The following TRIM24 variants were observed in gnomAD, a reference collection of about 807,000 sequenced individuals.
TRIM24 encodes tripartite motif containing 24, also known as transcription intermediary factor 1-alpha.
In TRIM24, 29 loss-of-function variants were observed where a neutral mutation model predicts 123.9. That is an observed-to-expected ratio of 0.23 (90% CI 0.17 to 0.32). TRIM24 has a LOEUF of 0.32. Among genes scored for constraint, TRIM24 ranks in the 10% least tolerant of loss-of-function variants. The probability of loss-of-function intolerance (pLI) is 1.00; values close to 1 mark genes in which losing one functional copy is unlikely to be tolerated. For synonymous variants in TRIM24, 456 were observed against 461.1 expected, an observed-to-expected ratio of 0.99 and a Z score of 0.14; for missense variants, 932 against 1,295.3, an observed-to-expected ratio of 0.72 and a Z score of 4.31.
chr7:138,578,008 C>T (rs1004488245), intron 14 of TRIM24, among the ~76,000 whole-genome samples: 1 of 151,952 alleles, frequency 6.6e-6, no homozygotes, highest in African/African-American at 2.4e-5. Flanking sequence ...TGGAATCTGA[C>T]ACAGAAGAAA....
Position 138,467,742 on chromosome 7 carries a change from A to G in TRIM24, c.364+6830A>G, listed in dbSNP as rs929763749. Among the ~76,000 whole-genome samples the G allele has an allele frequency of 1.1e-4, 17 of 152,240 alleles. No individual in the cohort carries two copies. The East Asian group carries it at 3.3e-3, about 29-fold the overall frequency. On this transcript the variant is annotated intron_variant, in intron 1 of 18. Transcript: ENST00000343526. ...GGTTTTCATTGTAGCATTCTTGTAC[A>G]ATTTTTGTTTACATAGTATAAATAT...
rs572019235 is a variant in TRIM24 at position 138,587,275 on chromosome 7, C to G, written c.*2324C>G. ...GGCTGAGACAGGAGAATCACTTGAA[C>G]GCAGGAGGCAGAAGTTGCAGTGAGC... On this transcript the variant is annotated 3_prime_UTR_variant, in exon 19 of 19. Transcript: ENST00000343526. 1 of 152,164 alleles carries G rather than the reference C, an allele frequency of 6.6e-6. No individual in the cohort carries two copies. Among genetic ancestry groups the G allele is most frequent in the Admixed American group, 6.5e-5 (1 of 15,268 alleles). 9.4% of individuals were successfully genotyped at this position (152,164 alleles called of 1,614,324 possible).
chr7:138,558,452 T>C (rs1327386397), intron 9 of TRIM24, among the ~76,000 whole-genome samples: 2 of 152,174 alleles, frequency 1.3e-5, no homozygotes, highest in East Asian at 3.9e-4. Flanking sequence ...TAAAGTTACC[T>C]TGGGGCATTA....
chr7:138,504,875 C>G (rs1584705436), intron 2 of TRIM24, among the ~76,000 whole-genome samples: 1 of 151,616 alleles, frequency 6.6e-6, no homozygotes, highest in African/African-American at 2.4e-5. Context: ...CTTCTCTCAT[C>G]TCAGCCTCAT....
chr7:138,530,635 AT>A (rs112561681), intron 6 of TRIM24, among the ~76,000 whole-genome samples: 353 of 143,426 alleles, frequency 2.5e-3, no homozygotes, highest in Middle Eastern at 7.1e-3. Flanking sequence ...CCTGGCTAAT[AT>A]TTTTTTTTTT....
rs118072617 is a variant in TRIM24, at chr7:138,470,728, G to C, written c.364+9816G>C. ...TCCATTTAAGTCTGTAACTTCACCA[G>C]TGTTGTATAGATGGATGTATACCTG... On this transcript the variant is annotated intron_variant, in intron 1 of 18. Coordinates refer to ENST00000343526, the MANE Select transcript of TRIM24 (RefSeq NM_015905.3). Among the ~76,000 whole-genome samples, 1,176 of 152,286 alleles carry C rather than the reference G, an allele frequency of 7.7e-3. 15 individuals are homozygous for C. The highest frequency in any genetic ancestry group is 0.011 in the Non-Finnish European group (780 of 68,022).
At chr7:138,557,592 C>A (rs943594273) in intron 9 of TRIM24, among the ~76,000 whole-genome samples, 2 of 152,192 alleles carry the variant, frequency 1.3e-5, no homozygotes, top group Non-Finnish European at 1.5e-5. Context: ...TGGAGACCAT[C>A]CTTTCTAAGT....
chr7:138,583,476 C>G (rs1165061878), intron 17 of TRIM24, among the ~76,000 whole-genome samples: 3 of 152,010 alleles, frequency 2.0e-5, no homozygotes, highest in Non-Finnish European at 4.4e-5. Context: ...AAAAATTAGC[C>G]GGCTATGTTA....
intron 1 of TRIM24, among the ~76,000 whole-genome samples, chr7:138,462,585 C>A (rs958065068): frequency 2.6e-5 from 4 of 151,904 alleles, no homozygotes; most frequent in African/African-American, 9.7e-5. Flanking sequence ...CGTGATCCGC[C>A]CGCCTCGGCC....
chr7:138,532,431 T>C (rs1302204514), intron 6 of TRIM24, among the ~76,000 whole-genome samples: 1 of 152,348 alleles, frequency 6.6e-6, no homozygotes, highest in East Asian at 1.9e-4. Context: ...GCTTTCTACA[T>C]ATGGCTAGCC....
rs1165985174 is a variant in TRIM24, at chr7:138,460,711, A to G, written c.163A>G (p.Thr55Ala). The G allele has an allele frequency of 6.4e-7, 1 of 1,568,186 alleles. No homozygotes were observed. Among genetic ancestry groups the G allele is most frequent in the Non-Finnish European group, 8.6e-7 (1 of 1,161,094 alleles). Residue 55 changes from threonine to alanine, a missense_variant, in exon 1 of 19, where the codon ACT (threonine) becomes GCT (alanine). Coordinates refer to ENST00000343526, the MANE Select transcript of TRIM24 (RefSeq NM_015905.3). ...GGCGGCCCGGCTCAACCTGTTGGAC[A>G]CTTGCGCCGTGTGCCACCAGAACAT... is the stretch of plus-strand genomic sequence containing the variant. ...GEAARLNLLD[T>A]CAVCHQNIQS...
chr7:138,508,697 G>GCGCGCGCGCGCA (rs1563038803), intron 2 of TRIM24, among the ~76,000 whole-genome samples: 8 of 110,200 alleles, frequency 7.3e-5, no homozygotes, highest in Non-Finnish European at 1.1e-4. Flanking sequence ...GTGTGTGCGC[G>GCGCGCGCGCGCA]CGCGTGTGTG....
chr7:138,536,923 C>A (rs919512823), intron 6 of TRIM24, among the ~76,000 whole-genome samples: 1 of 152,184 alleles, frequency 6.6e-6, no homozygotes, highest in African/African-American at 2.4e-5. Context: ...GGTGGGCGCC[C>A]CTTCCCCAGC....
chr7:138,521,982 C>G (rs889366057), intron 4 of TRIM24, among the ~76,000 whole-genome samples: 1 of 152,168 alleles, frequency 6.6e-6, no homozygotes, highest in African/African-American at 2.4e-5. Flanking sequence ...TAATTGAAGC[C>G]GAGCAGTGTG....
At chr7:138,580,750 C>T in intron 16 of TRIM24, 56 bp downstream of exon 16, 11 of 1,513,108 alleles carry the variant, frequency 7.3e-6, no homozygotes, top group Non-Finnish European at 9.8e-6. Context: ...TACTGTGGTA[C>T]CTTTTGTCAA....
Position 138,589,624 on chromosome 7 carries a change from G to A in TRIM24, c.*4673G>A, listed in dbSNP as rs1029942215. The A allele has an allele frequency of 2.6e-5, 4 of 152,164 alleles. No homozygotes were observed. The highest frequency in any genetic ancestry group is 1.5e-5 in the Non-Finnish European group (1 of 68,040). The allele number at this position is 152,164 out of a possible 1,614,324, so 9.4% of individuals were successfully genotyped here. A position where few individuals can be genotyped will look rare whatever the true frequency, so the allele number is the denominator to read the frequency against. On this transcript the variant is annotated 3_prime_UTR_variant, in exon 19 of 19. Transcript: ENST00000343526. ...AATCTGACAGGAAGGAAAGCGGGTG[G>A]TAAGTATCTTGGATTATTCTGCCTC...
chr7:138,477,457 A>G (rs969578604), intron 1 of TRIM24, among the ~76,000 whole-genome samples: 1 of 152,222 alleles, frequency 6.6e-6, no homozygotes, highest in African/African-American at 2.4e-5. Context: ...AACTATGTAA[A>G]TGTTTTATGA....
At position 138,579,359 on chromosome 7, in the gene TRIM24, G is replaced by T. The variant is rs529626341; in HGVS notation, c.2412G>T (p.Trp804Cys). ...QDNSSNGKSE[W>C]LDPSQKSPLH... Reference sequence around the variant, plus strand: ...ATTCCTCAAATGGAAAGTCTGAATGGTTGGATCCTTCCCAGAAGTCACCTC... The same window carrying T: ...ATTCCTCAAATGGAAAGTCTGAATGTTTGGATCCTTCCCAGAAGTCACCTC... The change falls in exon 15 of 19, where the codon TGG (tryptophan) becomes TGT (cysteine). Residue 804 changes from tryptophan (W) to cysteine (C), a missense_variant. Physicochemically the swap from Trp to Cys is radical, Grantham distance 215. Transcript: ENST00000343526. The T allele has an allele frequency of 7.4e-6, 12 of 1,614,142 alleles. No individual in the cohort carries two copies. The highest frequency in any genetic ancestry group is 1.7e-5 in the Admixed American group (1 of 60,016).
rs758479937 is a variant in TRIM24 at position 138,475,806 on chromosome 7, A to G, written c.364+14894A>G. Among the ~76,000 whole-genome samples, 71 of 152,354 alleles carry G rather than the reference A, an allele frequency of 4.7e-4. 1 individual carries two copies. The highest frequency in any genetic ancestry group is 6.2e-4 in the Non-Finnish European group (42 of 68,024). The stretch of plus-strand genomic sequence containing the variant: ...ATTACAGGCGTGAGCCACTGTGCCT[A>G]GCCCAACTCTGTCTTTTATATAAAA... On this transcript the variant is annotated intron_variant, in intron 1 of 18. Transcript: ENST00000343526.
Sources: allele counts gnomAD v4.1 joint callset (sites outside exome capture counted in the v4.1 genomes callset), GRCh38; gene constraint gnomAD v4.1.1; transcripts MANE v1.5; gene names NCBI Gene and HGNC (gene_info 2026-07-23, HGNC 2026-07-21).